The following VWA3B variants were observed in gnomAD, a reference collection of about 807,000 sequenced individuals.
The protein encoded by VWA3B is von Willebrand factor A domain containing 3B, also known as von Willebrand factor A domain-containing protein 3B.
Under a neutral mutation model 158.3 loss-of-function variants are expected in VWA3B, and 138 were observed. The ratio of observed to expected loss-of-function variants is 0.87; its 90% CI spans 0.76 to 1.00. The LOEUF is 1.00. VWA3B is among the 50% of genes least tolerant of loss of function. The probability of loss-of-function intolerance (pLI) is 0.00; values close to 1 mark genes in which losing one functional copy is unlikely to be tolerated. For missense variants in VWA3B, 1,555 were observed against 1,565.1 expected, an observed-to-expected ratio of 0.99 and a Z score of 0.11; for synonymous variants, 596 against 587.3, an observed-to-expected ratio of 1.01 and a Z score of -0.21.
At chr2:98,148,573 G>A (rs1461499160) in intron 7 of VWA3B, among the ~76,000 whole-genome samples, 3 of 152,158 alleles carry the variant, frequency 2.0e-5, no homozygotes, top group Admixed American at 1.3e-4. Context: ...CTTCGTAACT[G>A]TATTTCTTCT....
intron 3 of VWA3B, 85 bp from the exon 4 acceptor site, chr2:98,119,428 G>C (rs1674783044): frequency 1.4e-6 from 2 of 1,465,818 alleles, no homozygotes; most frequent in Admixed American, 1.9e-5. Context: ...ACTGTTATGA[G>C]TGCACAGTTC....
At chr2:98,173,548 T>C (rs1679768747) in intron 8 of VWA3B, among the ~76,000 whole-genome samples, 1 of 152,232 alleles carries the variant, frequency 6.6e-6, no homozygotes, top group Non-Finnish European at 1.5e-5. Context: ...GAAAATTTTC[T>C]CCCCAAATTT....
chr2:98,194,238 A>C, intron 11 of VWA3B, 123 bp from the exon 12 acceptor site: 1 of 897,316 alleles, frequency 1.1e-6, no homozygotes, highest in Non-Finnish European at 1.7e-6. Context: ...ATTGAATATA[A>C]TTTTTTGCTT....
chr2:98,244,475 A>C (rs779453697), intron 19 of VWA3B, among the ~76,000 whole-genome samples: 1 of 152,166 alleles, frequency 6.6e-6, no homozygotes, highest in Admixed American at 6.5e-5. Flanking sequence ...TTTAGGAAAC[A>C]CCTCTTAAAT....
intron 13 of VWA3B, among the ~76,000 whole-genome samples, chr2:98,214,336 G>A (rs1683796616): frequency 1.3e-5 from 2 of 151,768 alleles, no homozygotes; most frequent in Admixed American, 6.6e-5. Context: ...AATTCTTCAG[G>A]AGCATCCTTC....
chr2:98,229,716 A>G (rs1685195098), intron 15 of VWA3B, among the ~76,000 whole-genome samples: 1 of 152,134 alleles, frequency 6.6e-6, no homozygotes. Flanking sequence ...TGTAGTCACT[A>G]TATAGGTGTG....
chr2:98,230,515 G>T (rs923518697), intron 16 of VWA3B, among the ~76,000 whole-genome samples: 1 of 152,084 alleles, frequency 6.6e-6, no homozygotes, highest in Non-Finnish European at 1.5e-5. Flanking sequence ...GTGTGTGTGT[G>T]TATGTGTGTG....
intron 6 of VWA3B, 80 bp downstream of exon 6, chr2:98,128,488 C>CGTGGCTTTAACCAATCTGTTGCT: frequency 6.7e-7 from 1 of 1,487,734 alleles, no homozygotes; most frequent in Non-Finnish European, 9.2e-7. Flanking sequence ...TTGCATTCTT[C>CGTGGCTTTAACCAATCTGTTGCT]GTGGCTTTAA....
At chr2:98,164,529 TGA>T (rs1474433001) in intron 8 of VWA3B, among the ~76,000 whole-genome samples, 3 of 152,140 alleles carry the variant, frequency 2.0e-5, no homozygotes, top group Non-Finnish European at 2.9e-5. Flanking sequence ...AACTGACAGG[TGA>T]GGAAACTGAA....
the VWA3B span, among the ~76,000 whole-genome samples, chr2:98,326,238 A>G: frequency 6.6e-6 from 1 of 152,212 alleles, no homozygotes; most frequent in African/African-American, 2.4e-5. Flanking sequence ...GCATACAGAC[A>G]TTCAAATCAT....
At chr2:98,214,105 C>T (rs898564378) in intron 13 of VWA3B, among the ~76,000 whole-genome samples, 1 of 151,506 alleles carries the variant, frequency 6.6e-6, no homozygotes, top group African/African-American at 2.4e-5. Flanking sequence ...GTAGGGGGAT[C>T]ATTTGAAACC....
At chr2:98,105,111 G>A (rs1036298624) in intron 2 of VWA3B, among the ~76,000 whole-genome samples, 4 of 152,112 alleles carry the variant, frequency 2.6e-5, no homozygotes, top group African/African-American at 9.7e-5. Context: ...AGGATTTGAG[G>A]TTTCAACTGA....
At chr2:98,213,327 A>T (rs1683701540) in intron 13 of VWA3B, among the ~76,000 whole-genome samples, 1 of 151,040 alleles carries the variant, frequency 6.6e-6, no homozygotes, top group Non-Finnish European at 1.5e-5. Flanking sequence ...GAACTCTCGG[A>T]GGAGCCGCCC....
intron 13 of VWA3B, among the ~76,000 whole-genome samples, chr2:98,215,230 C>CAGG (rs1028781846): frequency 1.3e-5 from 2 of 151,886 alleles, no homozygotes; most frequent in African/African-American, 4.8e-5. Context: ...ATCACAAGGT[C>CAGG]AGGAGATCAA....
chr2:98,207,574 C>A, intron 12 of VWA3B: 1 of 519,250 alleles, frequency 1.9e-6, no homozygotes, highest in South Asian at 1.4e-5. Flanking sequence ...CATCACAGGT[C>A]ATATGGGGAA....
Position 98,202,071 on chromosome 2 carries a change from A to G in VWA3B, c.1737+7579A>G, listed in dbSNP as rs1354373703. On this transcript the variant is annotated intron_variant, in intron 12 of 27. Coordinates refer to ENST00000477737, the MANE Select transcript of VWA3B (RefSeq NM_144992.5). ...ATTCCATATTCTTTTTTTCTAAAAA[A>G]GGTTGTACAGAATTGATATGATTTT... is the stretch of plus-strand genomic sequence containing the variant. Among the ~76,000 whole-genome samples, 5 of 152,194 alleles carry G rather than the reference A, an allele frequency of 3.3e-5. No individual in the cohort carries two copies. The East Asian group carries it at 5.8e-4, about 18-fold the overall frequency.
intron 9 of VWA3B, among the ~76,000 whole-genome samples, chr2:98,186,184 A>G (rs370568625): frequency 2.3e-3 from 301 of 132,726 alleles, no homozygotes; most frequent in African/African-American, 8.2e-3. Flanking sequence ...TTTGCAGAAT[A>G]TACACTGCTG....
intron 10 of VWA3B, among the ~76,000 whole-genome samples, chr2:98,189,180 G>T (rs533520304): frequency 6.6e-6 from 1 of 152,180 alleles, no homozygotes; most frequent in East Asian, 1.9e-4. Context: ...AGGCCAAGGG[G>T]GTGGATCATG....
chr2:98,266,128 G>A (rs1186428906), intron 21 of VWA3B, among the ~76,000 whole-genome samples: 5 of 149,504 alleles, frequency 3.3e-5, no homozygotes, highest in Non-Finnish European at 7.5e-5. Context: ...CCATGCCTAT[G>A]TCCTGAATGG....
Sources: allele counts gnomAD v4.1 joint callset (sites outside exome capture counted in the v4.1 genomes callset), GRCh38; gene constraint gnomAD v4.1.1; transcripts MANE v1.5; gene names NCBI Gene and HGNC (gene_info 2026-07-23, HGNC 2026-07-21).